The following GPR158 variants were observed in gnomAD, a reference collection of about 807,000 sequenced individuals.
GPR158 encodes G protein-coupled receptor 158, also known as metabotropic glycine receptor.
Under a neutral mutation model 78.2 loss-of-function variants are expected in GPR158, and 30 were observed. The ratio of observed to expected loss-of-function variants is 0.38; its 90% CI spans 0.29 to 0.52. GPR158 has a LOEUF of 0.52. Among genes scored for constraint, GPR158 ranks in the 20% least tolerant of loss-of-function variants. The pLI is 0.83. For synonymous variants in GPR158, 581 were observed against 591.1 expected (o/e 0.98, Z 0.25); for missense variants, 1,463 against 1,523.5 (o/e 0.96, Z 0.66).
Position 25,460,192 on chromosome 10 carries a change from T to G in GPR158, c.1336-6459T>G, listed in dbSNP as rs1835339036. ...ATATTATAATACCAAATCAGAGATT[T>G]TCTTTTTTTTTTTTTCCCTCTTCTT... On this transcript the variant is annotated intron_variant, in intron 4 of 10. Transcript: ENST00000376351. 3.9e-5 allele frequency among the ~76,000 whole-genome samples: 6 copies of G among 152,242 alleles called. No individual in the cohort carries two copies. In the South Asian group the frequency reaches 1.2e-3, roughly 32 times the overall value.
At chr10:25,347,761 A>G (rs1357392028) in intron 2 of GPR158, among the ~76,000 whole-genome samples, 1 of 152,056 alleles carries the variant, frequency 6.6e-6, no homozygotes, top group African/African-American at 2.4e-5. Context: ...ACTTTTCAGA[A>G]GAATTACAGC....
chr10:25,439,574 T>C (rs955834431), intron 4 of GPR158, among the ~76,000 whole-genome samples: 5 of 152,214 alleles, frequency 3.3e-5, no homozygotes, highest in Admixed American at 1.3e-4. Flanking sequence ...GCTGGTGTTA[T>C]ATAGTGTATG....
At chr10:25,465,889 C>T (rs1490574012) in intron 4 of GPR158, among the ~76,000 whole-genome samples, 2 of 152,188 alleles carry the variant, frequency 1.3e-5, no homozygotes, top group Non-Finnish European at 2.9e-5. Flanking sequence ...GCTAAGTTGG[C>T]TGTTCTTCCT....
chr10:25,466,776 A>T (rs989415240), intron 5 of GPR158, 57 bp downstream of exon 5: 8 of 929,562 alleles, frequency 8.6e-6, no homozygotes, highest in Non-Finnish European at 1.4e-5. Context: ...GCATACTATA[A>T]AGTTACTGTT....
chr10:25,566,088 T>C (rs921446680), intron 6 of GPR158, among the ~76,000 whole-genome samples: 4 of 152,100 alleles, frequency 2.6e-5, no homozygotes, highest in African/African-American at 9.7e-5. Flanking sequence ...AACCCTGCAG[T>C]GGCATGGCAA....
chr10:25,352,286 T>C (rs907254209), intron 2 of GPR158, among the ~76,000 whole-genome samples: 1 of 152,052 alleles, frequency 6.6e-6, no homozygotes, highest in African/African-American at 2.4e-5. Context: ...CCCTGTGAGC[T>C]TCACAGCAAG....
chr10:25,219,101 G>T (rs892057604), intron 1 of GPR158, among the ~76,000 whole-genome samples: 4 of 152,172 alleles, frequency 2.6e-5, no homozygotes, highest in Admixed American at 1.3e-4. Context: ...ATTAACTTTG[G>T]TGGAACCTAC....
At chr10:25,433,574 CGCGCGCGTGCGCGT>C (rs1228108532) in intron 4 of GPR158, among the ~76,000 whole-genome samples, 1 of 94,658 alleles carries the variant, frequency 1.1e-5, no homozygotes, top group Non-Finnish European at 2.3e-5. Context: ...TGTGTGTGCG[CGCGCGCGTGCGCGT>C]GCGCATATAT....
At chr10:25,306,991 A>G (rs1224888764) in intron 2 of GPR158, among the ~76,000 whole-genome samples, 1 of 147,924 alleles carries the variant, frequency 6.8e-6, no homozygotes, top group African/African-American at 2.6e-5. Flanking sequence ...AGTCACACAC[A>G]CACACACATA....
Position 25,270,923 on chromosome 10 carries a change from T to C in GPR158, c.1008+49766T>C, listed in dbSNP as rs575256319. On this transcript the variant is annotated intron_variant, in intron 2 of 10. Transcript: ENST00000376351. ...AGTTTTTGATGCTTATCACTGATTT[T>C]AGGATAAAGTCTAAATCCTTATCAA... Among the ~76,000 whole-genome samples the C allele has an allele frequency of 4.8e-4, 73 of 152,302 alleles. No individual in the cohort carries two copies. The East Asian group carries it at 0.012, about 26-fold the overall frequency.
rs1447216523 is a variant in GPR158 at position 25,175,018 on chromosome 10, G to A, written c.-403G>A. ...GTGAGACTATGGAGCAGCGTCTTCG[G>A]CGGCCGCGGCGGCAGCAGCAGCAGC... On this transcript the variant is annotated 5_prime_UTR_variant, in exon 1 of 11. Transcript: ENST00000376351. This position sits in a 1 kb window ranked among gnomAD's most constrained non-coding sequence, Gnocchi z 6.4. 4 of 183,736 alleles carry A rather than the reference G, an allele frequency of 2.2e-5. No individual in the cohort carries two copies. The highest frequency in any genetic ancestry group is 5.7e-5 in the Admixed American group (1 of 17,444). 11.4% of individuals were successfully genotyped at this position (183,736 alleles called of 1,614,324 possible). A position where few individuals can be genotyped will look rare whatever the true frequency, so the allele number is the denominator to read the frequency against.
chr10:25,300,523 G>A (rs1854577341), intron 2 of GPR158, among the ~76,000 whole-genome samples: 1 of 151,906 alleles, frequency 6.6e-6, no homozygotes, highest in African/African-American at 2.4e-5. Flanking sequence ...GGGTATTAGG[G>A]TGTGGGCATC....
intron 2 of GPR158, among the ~76,000 whole-genome samples, chr10:25,375,474 T>C (rs542051462): frequency 7.7e-4 from 117 of 151,786 alleles, no homozygotes; most frequent in African/African-American, 2.0e-3. Flanking sequence ...CTCTTTTTTT[T>C]CTACAATTCT....
chr10:25,375,221 A>G (rs1369452158), intron 2 of GPR158, among the ~76,000 whole-genome samples: 4 of 151,560 alleles, frequency 2.6e-5, no homozygotes, highest in African/African-American at 7.3e-5. Flanking sequence ...CGTATATTCT[A>G]ATTGCAGTGC....
intron 5 of GPR158, among the ~76,000 whole-genome samples, chr10:25,535,053 C>T (rs1045681705): frequency 2.0e-5 from 3 of 152,150 alleles, no homozygotes; most frequent in African/African-American, 7.2e-5. Flanking sequence ...ATTATTCTTT[C>T]TCTAAATGCA....
At chr10:25,223,804 C>A (rs1364750495) in intron 2 of GPR158, among the ~76,000 whole-genome samples, 2 of 152,164 alleles carry the variant, frequency 1.3e-5, no homozygotes. Flanking sequence ...AGACACTCAT[C>A]TTGGTTTACA....
intron 3 of GPR158, among the ~76,000 whole-genome samples, chr10:25,398,341 T>C (rs1004396781): frequency 3.3e-5 from 5 of 152,246 alleles, no homozygotes; most frequent in Admixed American, 6.5e-5. Context: ...TTTTGGTGTG[T>C]GTGTGCCAGA....
intron 2 of GPR158, among the ~76,000 whole-genome samples, chr10:25,389,328 T>A (rs1834262661): frequency 6.6e-6 from 1 of 151,960 alleles, no homozygotes; most frequent in African/African-American, 2.4e-5. Context: ...CAGGGTCTCC[T>A]CTTTGCTGAG....
chr10:25,176,512 C>T lies in GPR158; in HGVS notation c.902+190C>T, dbSNP rs866284251. On this transcript the variant is annotated intron_variant, in intron 1 of 10. Transcript: ENST00000376351. This position sits in a 1 kb window ranked among gnomAD's most constrained non-coding sequence, Gnocchi z 6.3. ...TTGGGGGCAAGAAGCGCCCCACGCC[C>T]GTCAGCTTCCGGCGCTCGGCGAAAG... 2.0e-5 allele frequency among the ~76,000 whole-genome samples: 3 copies of T among 152,320 alleles called. No individual in the cohort carries two copies. Among genetic ancestry groups the T allele is most frequent in the African/African-American group, 4.8e-5 (2 of 41,572 alleles).
Sources: gnomAD v4.1 joint callset for allele counts (sites outside exome capture counted in the v4.1 genomes callset) on GRCh38, gnomAD v4.1.1 for gene constraint, Gnocchi (gnomAD v3.1) non-coding constraint, MANE v1.5 for transcripts, NCBI Gene and HGNC (gene_info 2026-07-23, HGNC 2026-07-21) for gene names.